RPS6KA2: variants seen among roughly 807,000 people sequenced by gnomAD.
RPS6KA2 encodes the protein ribosomal protein S6 kinase alpha-2.
A neutral mutation model predicts 91.8 loss-of-function variants in RPS6KA2; 42 were observed. That is an observed-to-expected ratio of 0.46 (90% CI 0.36 to 0.59). The LOEUF is 0.59. Among genes scored for constraint, RPS6KA2 ranks in the 20% least tolerant of loss-of-function variants. The pLI, the probability that RPS6KA2 is intolerant of heterozygous loss-of-function variation, is 0.00. For synonymous variants in RPS6KA2, 414 were observed against 393.6 expected, an observed-to-expected ratio of 1.05 and a Z score of -0.61; for missense variants, 798 against 978.5, an observed-to-expected ratio of 0.82 and a Z score of 2.46.
chr6:166,843,145 T>C (rs1780527140), intron 2 of RPS6KA2, among the ~76,000 whole-genome samples: 1 of 152,134 alleles, frequency 6.6e-6, no homozygotes, highest in South Asian at 2.1e-4. Flanking sequence ...ATCTGTGTGA[T>C]GCAGCAGAGG....
rs1029406241 is a variant in RPS6KA2 at position 166,490,258 on chromosome 6, C to T, written c.818+413G>A. On this transcript the variant is annotated intron_variant, in intron 9 of 20. Coordinates refer to ENST00000265678, the MANE Select transcript of RPS6KA2 (RefSeq NM_021135.6). The surrounding 1 kb of genome is among the most constrained non-coding windows in gnomAD (Gnocchi z 4.2). ...AAGGAGACCCCTGCTCCTGTGATCT[C>T]TCCGGACAAGGCCCTGGAGGCCTTG... 3.9e-5 allele frequency among the ~76,000 whole-genome samples: 6 copies of T among 152,158 alleles called. No individual in the cohort carries two copies. The highest frequency in any genetic ancestry group is 2.0e-4 in the Admixed American group (3 of 15,286).
At chr6:166,832,036 TGATAGATA>T (rs58214863) in intron 2 of RPS6KA2, among the ~76,000 whole-genome samples, 1,626 of 148,032 alleles carry the variant, frequency 0.011, 10 homozygotes, top group South Asian at 0.016. Context: ...AGATGATACA[TGATAGATA>T]GATAGATAGA....
intron 10 of RPS6KA2, among the ~76,000 whole-genome samples, chr6:166,470,505 C>T (rs552033573): frequency 2.0e-5 from 3 of 152,338 alleles, no homozygotes; most frequent in East Asian, 1.9e-4. Context: ...TTATTTCTAC[C>T]TAACCTCCTC....
At chr6:166,724,661 C>A (rs1406648217) in intron 2 of RPS6KA2, among the ~76,000 whole-genome samples, 1 of 152,226 alleles carries the variant, frequency 6.6e-6, no homozygotes, top group Non-Finnish European at 1.5e-5. Flanking sequence ...GTTTTCCTGC[C>A]GCCTGTTTCT....
chr6:166,860,739 G>C (rs1781028771), intron 1 of RPS6KA2, among the ~76,000 whole-genome samples: 1 of 152,176 alleles, frequency 6.6e-6, no homozygotes, highest in African/African-American at 2.4e-5. Context: ...GGAAGCACTA[G>C]TAAATGAGAA....
intron 4 of RPS6KA2, 36 bp downstream of exon 4, chr6:166,510,241 G>T: frequency 7.7e-7 from 1 of 1,303,656 alleles, no homozygotes; most frequent in Non-Finnish European, 1.1e-6. Context: ...AGGTTGCCCT[G>T]GGTCCTCTTT....
At chr6:166,838,310 G>A (rs1583168645) in intron 2 of RPS6KA2, among the ~76,000 whole-genome samples, 1 of 152,180 alleles carries the variant, frequency 6.6e-6, no homozygotes, top group Non-Finnish European at 1.5e-5. Flanking sequence ...CCTTCCTAAC[G>A]CAATGGTTCT....
chr6:166,796,207 T>G (rs1779218399), intron 2 of RPS6KA2, among the ~76,000 whole-genome samples: 1 of 152,194 alleles, frequency 6.6e-6, no homozygotes, highest in Admixed American at 6.5e-5. Flanking sequence ...GAGGGAGTTG[T>G]AGAGCCCTGA....
intron 2 of RPS6KA2, among the ~76,000 whole-genome samples, chr6:166,694,737 G>A (rs1038974826): frequency 6.6e-6 from 1 of 152,188 alleles, no homozygotes; most frequent in African/African-American, 2.4e-5. Flanking sequence ...TGTTGTTGGT[G>A]GGAAACATAC....
At chr6:166,714,587 G>A (rs913912629) in intron 2 of RPS6KA2, among the ~76,000 whole-genome samples, 8 of 152,334 alleles carry the variant, frequency 5.3e-5, no homozygotes, top group Non-Finnish European at 1.0e-4. Context: ...AGACAGAGAC[G>A]CACAGAGGGA....
intron 2 of RPS6KA2, among the ~76,000 whole-genome samples, chr6:166,697,814 A>G (rs922275338): frequency 6.6e-6 from 1 of 152,214 alleles, no homozygotes; most frequent in Non-Finnish European, 1.5e-5. Context: ...ACTAAGCAAC[A>G]TGGATGGATG....
intron 2 of RPS6KA2, among the ~76,000 whole-genome samples, chr6:166,681,079 CAG>C (rs1788792142): frequency 6.6e-6 from 1 of 152,132 alleles, no homozygotes; most frequent in Admixed American, 6.5e-5. Context: ...TAGTGAAGCA[CAG>C]AAAGCAGGGA....
Position 166,626,847 on chromosome 6 carries a change from T to A in RPS6KA2, c.99+74A>T. 1 of 1,267,098 alleles carries A rather than the reference T, an allele frequency of 7.9e-7. No homozygotes were observed. The highest frequency in any genetic ancestry group is 1.0e-6 in the Non-Finnish European group (1 of 979,108). 78.5% of individuals were successfully genotyped at this position (1,267,098 alleles called of 1,614,324 possible). ...ACGGGTCTCGGGGTCCACCCAGGGG[T>A]GGCGAGGCGGGCTCGGGCGACCACG... On this transcript the variant is annotated intron_variant, in intron 1 of 20. Transcript: ENST00000265678. This position sits in a 1 kb window ranked among gnomAD's most constrained non-coding sequence, Gnocchi z 4.1.
chr6:166,814,254 C>A (rs73788152), intron 2 of RPS6KA2, among the ~76,000 whole-genome samples: 3,041 of 152,136 alleles, frequency 0.02, 81 homozygotes, highest in African/African-American at 0.067. Context: ...CAGTAAATAA[C>A]AAAGACAAAA....
chr6:166,825,363 G>A lies in RPS6KA2; in HGVS notation c.123+32837C>T, dbSNP rs546926248. 6.6e-6 allele frequency among the ~76,000 whole-genome samples: 1 copy of A among 152,332 alleles called. No homozygotes were observed. Among genetic ancestry groups the A allele is most frequent in the East Asian group, 1.9e-4 (1 of 5,186 alleles). ...AATAACTTTAACCTCTCATTCCCAG[G>A]TAACGCCTGGAGTTGAGGAAGAACT... is the stretch of plus-strand genomic sequence containing the variant. On this transcript the variant is annotated intron_variant, in intron 2 of 21. Coordinates refer to the RPS6KA2 transcript ENST00000503859. This position sits in a 1 kb window ranked among gnomAD's most constrained non-coding sequence, Gnocchi z 4.1.
chr6:166,741,989 A>G (rs1437063273), intron 2 of RPS6KA2, among the ~76,000 whole-genome samples: 1 of 152,162 alleles, frequency 6.6e-6, no homozygotes, highest in East Asian at 1.9e-4. Context: ...TTAGCATGGC[A>G]TGGTGGCGGG....
intron 2 of RPS6KA2, among the ~76,000 whole-genome samples, chr6:166,697,530 G>A (rs1789392082): frequency 6.6e-6 from 1 of 152,200 alleles, no homozygotes; most frequent in African/African-American, 2.4e-5. Context: ...TCTGAAGGCT[G>A]AATATCCAAT....
chr6:166,465,823 C>T lies in RPS6KA2; in HGVS notation c.972+4018G>A, dbSNP rs78826724. 5.4e-3 allele frequency among the ~76,000 whole-genome samples: 823 copies of T among 152,338 alleles called. 11 individuals are homozygous for T. The highest frequency in any genetic ancestry group is 0.019 in the African/African-American group (791 of 41,580). ...ACGGGGCTCTGCGTTCCAGCTGTGACGTCATGGACATGGACACTTTGCTGG... is the reference window on the plus strand; with the variant it reads ...ACGGGGCTCTGCGTTCCAGCTGTGATGTCATGGACATGGACACTTTGCTGG... On this transcript the variant is annotated intron_variant, in intron 11 of 20. Coordinates refer to ENST00000265678, the MANE Select transcript of RPS6KA2 (RefSeq NM_021135.6).
Position 166,603,580 on chromosome 6 carries a change from T to C in RPS6KA2, c.99+23341A>G, listed in dbSNP as rs1785829852. ...AAGGGCTTTGGCATGGAAGTGCAGGTTGCTGAAGGAGTCATGGGAGGGGAC... is the reference window on the plus strand; with the variant it reads ...AAGGGCTTTGGCATGGAAGTGCAGGCTGCTGAAGGAGTCATGGGAGGGGAC... On this transcript the variant is annotated intron_variant, in intron 1 of 20. Transcript: ENST00000265678. This position sits in a 1 kb window ranked among gnomAD's most constrained non-coding sequence, Gnocchi z 4.3. Among the ~76,000 whole-genome samples the C allele has an allele frequency of 6.6e-6, 1 of 152,148 alleles. No individual in the cohort carries two copies. Among genetic ancestry groups the C allele is most frequent in the Non-Finnish European group, 1.5e-5 (1 of 68,018 alleles).
Sources: gnomAD v4.1 joint callset for allele counts (sites outside exome capture counted in the v4.1 genomes callset) on GRCh38, gnomAD v4.1.1 for gene constraint, Gnocchi (gnomAD v3.1) non-coding constraint, MANE v1.5 for transcripts, NCBI Gene and HGNC (gene_info 2026-07-23, HGNC 2026-07-21) for gene names.